The following C12orf76 variants were observed in gnomAD, a reference collection of about 807,000 sequenced individuals.
C12orf76 encodes the protein chromosome 12 open reading frame 76.
A neutral mutation model predicts 6.8 loss-of-function variants in C12orf76; 6 were observed. The observed-to-expected ratio is 0.88, with a 90% CI of 0.48 to 1.73. The LOEUF is 1.73. Among genes scored for constraint, C12orf76 ranks in the 40% most tolerant of loss-of-function variants. C12orf76 has a pLI of 0.01. For synonymous variants in C12orf76, 56 were observed against 43.7 expected (o/e 1.28, Z -1.11); for missense variants, 99 against 98.2 (o/e 1.01, Z -0.03).
chr12:110,048,832 C>T (rs1892522423), upstream of C12orf76: 1 of 227,834 alleles, frequency 4.4e-6, no homozygotes, highest in Non-Finnish European at 8.1e-6. Flanking sequence ...AGATTTTTTA[C>T]GAATCCATGC....
At chr12:110,071,665 G>GTCATCA (rs900619327), upstream of C12orf76, among the ~76,000 whole-genome samples, 2 of 151,900 alleles carry the variant, frequency 1.3e-5, no homozygotes, top group African/African-American at 2.4e-5. Context: ...AGTATAGGTT[G>GTCATCA]TCATCATCAT....
upstream of C12orf76, among the ~76,000 whole-genome samples, chr12:110,070,657 A>T (rs1304582445): frequency 6.6e-6 from 1 of 152,240 alleles, no homozygotes; most frequent in Non-Finnish European, 1.5e-5. Context: ...GAATTATGAC[A>T]TGTAATCCCT....
At chr12:110,052,830 A>G (rs1247837254), upstream of C12orf76, among the ~76,000 whole-genome samples, 1 of 152,208 alleles carries the variant, frequency 6.6e-6, no homozygotes, top group Admixed American at 6.5e-5. Context: ...GGAGCTTTCA[A>G]AATTGCAGCT....
At chr12:110,042,669 A>G (rs1170490184) in intron 1 of C12orf76, 7 of 676,662 alleles carry the variant, frequency 1.0e-5, no homozygotes, top group Non-Finnish European at 1.3e-5. Flanking sequence ...AGCTTGATAT[A>G]CCGTGAAAAA....
upstream of C12orf76, chr12:110,048,896 T>C (rs1892523535): frequency 6.3e-6 from 1 of 159,308 alleles, no homozygotes; most frequent in African/African-American, 2.4e-5. Flanking sequence ...TGTGTTTCTA[T>C]AGTACAAATG....
At chr12:110,053,035 T>A (rs754728906), upstream of C12orf76, among the ~76,000 whole-genome samples, 6 of 151,614 alleles carry the variant, frequency 4.0e-5, no homozygotes, top group Non-Finnish European at 7.4e-5. Context: ...ACCCTGTCTC[T>A]ACTAAAAATA....
At chr12:110,043,046 C>A (rs534080486) in intron 1 of C12orf76, among the ~76,000 whole-genome samples, 1 of 151,442 alleles carries the variant, frequency 6.6e-6, no homozygotes, top group Admixed American at 6.6e-5. Flanking sequence ...CGCCACTAAG[C>A]GACAGAATGA....
chr12:110,046,867 G>A (rs1892462717), intron 1 of C12orf76, among the ~76,000 whole-genome samples: 1 of 152,058 alleles, frequency 6.6e-6, no homozygotes, highest in Non-Finnish European at 1.5e-5. Context: ...TCTAAAGGCT[G>A]GGGATGCCAC....
chr12:110,057,052 G>C (rs1443752402), intron 4 of C12orf76: 5 of 644,916 alleles, frequency 7.8e-6, no homozygotes, highest in Non-Finnish European at 1.4e-5. Context: ...TAAGGATGGA[G>C]GGTGAGGTTG....
chr12:110,072,414 A>G (rs1316489853), upstream of C12orf76, among the ~76,000 whole-genome samples: 1 of 152,194 alleles, frequency 6.6e-6, no homozygotes, highest in Non-Finnish European at 1.5e-5. Flanking sequence ...AGGTAAATCC[A>G]TAGAGGCAGA....
Position 110,041,716 on chromosome 12 carries a change from A to C in C12orf76, c.*658T>G, listed in dbSNP as rs988888430. The stretch of plus-strand genomic sequence containing the variant: ...AGCAGGATGGGGTCCTTTTTGTAAC[A>C]GGCCAACCTAGTAACATTTCCAGTC... On this transcript the variant is annotated 3_prime_UTR_variant, in exon 2 of 2. Transcript: ENST00000615315. 1.3e-5 allele frequency: 2 copies of C among 152,794 alleles called. No homozygotes were observed. Among genetic ancestry groups the C allele is most frequent in the African/African-American group, 4.8e-5 (2 of 41,466 alleles). The allele number at this position is 152,794 out of a possible 1,614,324, so 9.5% of individuals were successfully genotyped here.
chr12:110,048,125 T>C (rs1168800919), intron 1 of C12orf76, among the ~76,000 whole-genome samples: 1 of 152,214 alleles, frequency 6.6e-6, no homozygotes, highest in Non-Finnish European at 1.5e-5. Flanking sequence ...TGCTTGAACC[T>C]GGGAGGCGAA....
chr12:110,068,920 G>A (rs1428279054), upstream of C12orf76, among the ~76,000 whole-genome samples: 2 of 152,308 alleles, frequency 1.3e-5, no homozygotes, highest in East Asian at 3.9e-4. Flanking sequence ...AGATGGCTAA[G>A]TCATGGTTAC....
At chr12:110,053,881 C>T (rs970016662), upstream of C12orf76, among the ~76,000 whole-genome samples, 9 of 151,722 alleles carry the variant, frequency 5.9e-5, no homozygotes, top group Non-Finnish European at 8.8e-5. Context: ...CCCAGGAGTT[C>T]GAGACCAGCC....
At chr12:110,061,694 G>A (rs553233073) in intron 2 of C12orf76, among the ~76,000 whole-genome samples, 5 of 151,710 alleles carry the variant, frequency 3.3e-5, no homozygotes, top group South Asian at 2.1e-4. Context: ...CTGCCCCCAC[G>A]CTCAGCTAAT....
At chr12:110,042,721 CAAG>C (rs1458733404) in intron 1 of C12orf76, 15 of 633,492 alleles carry the variant, frequency 2.4e-5, no homozygotes, top group Non-Finnish European at 4.3e-5. Flanking sequence ...GGGTGGGCAG[CAAG>C]AAGGGGGGAC....
upstream of C12orf76, among the ~76,000 whole-genome samples, chr12:110,053,884 G>C (rs1184924610): frequency 2.6e-5 from 4 of 152,028 alleles, no homozygotes; most frequent in Non-Finnish European, 5.9e-5. Flanking sequence ...AGGAGTTCGA[G>C]ACCAGCCTGG....
upstream of C12orf76, among the ~76,000 whole-genome samples, chr12:110,070,237 C>CAA (rs777312169): frequency 6.8e-4 from 71 of 103,912 alleles, no homozygotes; most frequent in African/African-American, 1.7e-3. Flanking sequence ...GACCCCATTT[C>CAA]AAAAAAAAAA....
upstream of C12orf76, among the ~76,000 whole-genome samples, chr12:110,068,317 A>AAGAAGAAGG (rs1892915226): frequency 7.1e-6 from 1 of 140,816 alleles, no homozygotes; most frequent in African/African-American, 2.6e-5. Context: ...GAAGAAGAAG[A>AAGAAGAAGG]AGAAGAAGAA....
Sources: allele counts gnomAD v4.1 joint callset (sites outside exome capture counted in the v4.1 genomes callset), GRCh38; gene constraint gnomAD v4.1.1; transcripts MANE v1.5; gene names NCBI Gene and HGNC (gene_info 2026-07-23, HGNC 2026-07-21).